The following ZMAT4 variants were observed in gnomAD, a reference collection of about 807,000 sequenced individuals.
The protein encoded by ZMAT4 is zinc finger matrin-type protein 4.
ZMAT4 carries 17 observed loss-of-function variants against 28.7 expected under a neutral mutation model. That is an observed-to-expected ratio of 0.59 (90% confidence interval 0.41 to 0.89). The LOEUF (loss-of-function observed/expected upper bound fraction) is 0.89, where lower values mean the gene tolerates loss of function less well. ZMAT4 is among the 40% of genes least tolerant of loss of function. ZMAT4 has a pLI of 0.00. For missense variants in ZMAT4, 240 were observed against 283.8 expected (o/e 0.85, Z 1.11); for synonymous variants, 117 against 109.2 (o/e 1.07, Z -0.44).
chr8:40,727,473 G>A lies in ZMAT4; in HGVS notation c.193-30072C>T, dbSNP rs538089413. Among the ~76,000 whole-genome samples the A allele has an allele frequency of 3.3e-5, 5 of 152,250 alleles. No homozygotes were observed. The South Asian group carries it at 8.3e-4, about 25-fold the overall frequency. On this transcript the variant is annotated intron_variant, in intron 3 of 6. Transcript: ENST00000297737. Reference sequence around the variant, plus strand: ...GCTTAATCCAACCACGATGCCACCCGTGGTGCTAAGTGGATGTATTTCTCC... The same window carrying A: ...GCTTAATCCAACCACGATGCCACCCATGGTGCTAAGTGGATGTATTTCTCC...
chr8:40,578,614 CTT>C (rs1164307318), intron 6 of ZMAT4, among the ~76,000 whole-genome samples: 2 of 151,860 alleles, frequency 1.3e-5, no homozygotes, highest in Admixed American at 6.6e-5. Context: ...CTCTCTCTCT[CTT>C]TCAATCTCAA....
intron 5 of ZMAT4, among the ~76,000 whole-genome samples, chr8:40,667,967 CT>C (rs1186198305): frequency 6.6e-6 from 1 of 151,802 alleles, no homozygotes; most frequent in Non-Finnish European, 1.5e-5. Context: ...GAAAATGCAG[CT>C]TTTATGTGAG....
intron 2 of ZMAT4, among the ~76,000 whole-genome samples, chr8:40,780,908 T>A (rs183455475): frequency 4.1e-4 from 62 of 152,306 alleles, no homozygotes; most frequent in African/African-American, 1.4e-3. Flanking sequence ...TAGGGCCATC[T>A]GTGAAAAACC....
chr8:40,719,304 G>A (rs550194722), intron 3 of ZMAT4, among the ~76,000 whole-genome samples: 43 of 152,130 alleles, frequency 2.8e-4, no homozygotes, highest in Non-Finnish European at 4.9e-4. Context: ...TTACCCAGGC[G>A]TGGTGGCAGG....
chr8:40,831,389 G>C (rs1816274890), intron 1 of ZMAT4, among the ~76,000 whole-genome samples: 1 of 152,168 alleles, frequency 6.6e-6, no homozygotes, highest in Admixed American at 6.5e-5. Context: ...GCTTCCCAGG[G>C]GGATGCAAAG....
chr8:40,844,123 G>A (rs1047637132), intron 1 of ZMAT4, among the ~76,000 whole-genome samples: 2 of 152,176 alleles, frequency 1.3e-5, no homozygotes, highest in African/African-American at 4.8e-5. Flanking sequence ...AGAGTGACAG[G>A]AGAAGAGAAT....
At chr8:40,591,164 A>C (rs995070061) in intron 5 of ZMAT4, among the ~76,000 whole-genome samples, 3 of 152,132 alleles carry the variant, frequency 2.0e-5, no homozygotes, top group Non-Finnish European at 4.4e-5. Context: ...TGGACCAGGG[A>C]GTCATTAACA....
intron 3 of ZMAT4, among the ~76,000 whole-genome samples, chr8:40,698,532 G>A (rs1809993721): frequency 1.3e-5 from 2 of 152,160 alleles, no homozygotes; most frequent in South Asian, 2.1e-4. Flanking sequence ...CACAATGGCC[G>A]CTTCTCTTAT....
intron 2 of ZMAT4, among the ~76,000 whole-genome samples, chr8:40,807,689 C>G (rs905024486): frequency 2.0e-5 from 3 of 152,190 alleles, no homozygotes; most frequent in Admixed American, 2.0e-4. Context: ...AATATTATCT[C>G]ATATTCCTTC....
chr8:40,604,077 T>G (rs1053775235), intron 5 of ZMAT4, among the ~76,000 whole-genome samples: 8 of 152,230 alleles, frequency 5.3e-5, no homozygotes, highest in Admixed American at 5.2e-4. Context: ...TTTTGTATCC[T>G]GAAACTTTAC....
chr8:40,764,807 T>A, intron 3 of ZMAT4, among the ~76,000 whole-genome samples: 1 of 152,116 alleles, frequency 6.6e-6, no homozygotes. Flanking sequence ...TTGGGCCTTA[T>A]GAAAAATCTA....
chr8:40,874,435 T>C (rs556648378), intron 1 of ZMAT4, among the ~76,000 whole-genome samples: 7 of 152,352 alleles, frequency 4.6e-5, no homozygotes, highest in Admixed American at 2.0e-4. Flanking sequence ...TAATGTATAC[T>C]GGGAGTAAAT....
intron 1 of ZMAT4, among the ~76,000 whole-genome samples, chr8:40,887,510 G>A (rs1818501354): frequency 6.6e-6 from 1 of 150,724 alleles, no homozygotes; most frequent in South Asian, 2.1e-4. Context: ...AAAAAAGTAT[G>A]TTTTCTGATT....
rs558335890 is a variant in ZMAT4, at chr8:40,663,197, C to T, written c.577+11507G>A. On this transcript the variant is annotated intron_variant, in intron 5 of 6. Coordinates refer to ENST00000297737, the MANE Select transcript of ZMAT4 (RefSeq NM_024645.3). ...AATGCTAGTTATGATCACCCTTCCC[C>T]ATCTGGCCTGTAGTCATGCTGATCT... 9.3e-4 allele frequency among the ~76,000 whole-genome samples: 142 copies of T among 152,314 alleles called. 1 individual carries two copies. The highest frequency in any genetic ancestry group is 3.3e-3 in the African/African-American group (136 of 41,572).
intron 2 of ZMAT4, among the ~76,000 whole-genome samples, chr8:40,771,503 T>C (rs1813389466): frequency 6.6e-6 from 1 of 152,196 alleles, no homozygotes; most frequent in South Asian, 2.1e-4. Context: ...ACAATTATTG[T>C]AATTAGTAAA....
chr8:40,887,803 C>G (rs960169068), intron 1 of ZMAT4, among the ~76,000 whole-genome samples: 1 of 152,174 alleles, frequency 6.6e-6, no homozygotes, highest in African/African-American at 2.4e-5. Flanking sequence ...CATGTTATTG[C>G]AGGTGTAATA....
intron 1 of ZMAT4, among the ~76,000 whole-genome samples, chr8:40,841,327 C>T (rs1816694441): frequency 6.6e-6 from 1 of 152,206 alleles, no homozygotes; most frequent in Non-Finnish European, 1.5e-5. Context: ...CATCTGGGAC[C>T]AGGCAAGGCC....
At chr8:40,732,146 G>A (rs766051510) in intron 3 of ZMAT4, among the ~76,000 whole-genome samples, 5 of 152,148 alleles carry the variant, frequency 3.3e-5, no homozygotes, top group Non-Finnish European at 5.9e-5. Context: ...AGACAGTGAT[G>A]ATGTTTGCAC....
intron 3 of ZMAT4, among the ~76,000 whole-genome samples, chr8:40,703,932 G>C (rs889602565): frequency 2.0e-5 from 3 of 152,072 alleles, no homozygotes; most frequent in Non-Finnish European, 4.4e-5. Flanking sequence ...GTTCATGATG[G>C]CTCCCATGTA....
Sources: allele counts gnomAD v4.1 joint callset (sites outside exome capture counted in the v4.1 genomes callset), GRCh38; gene constraint gnomAD v4.1.1; transcripts MANE v1.5; gene names NCBI Gene and HGNC (gene_info 2026-07-23, HGNC 2026-07-21).